AGAP1: variants seen among roughly 807,000 people sequenced by gnomAD.
AGAP1 encodes the protein arf-GAP with GTPase, ANK repeat and PH domain-containing protein 1.
Under a neutral mutation model 105.3 loss-of-function variants are expected in AGAP1, and 29 were observed. The ratio of observed to expected loss-of-function variants is 0.28; its 90% CI spans 0.21 to 0.38. AGAP1 has a LOEUF of 0.38. AGAP1 is among the 10% of genes least tolerant of loss of function. The pLI is 1.00. For missense variants in AGAP1, 998 were observed against 1,165.1 expected, an observed-to-expected ratio of 0.86 and a Z score of 2.09; for synonymous variants, 509 against 485.9, an observed-to-expected ratio of 1.05 and a Z score of -0.63.
chr2:235,536,668 CACACACA>C (rs1559231756), intron 1 of AGAP1, among the ~76,000 whole-genome samples: 24 of 149,692 alleles, frequency 1.6e-4, no homozygotes, highest in Middle Eastern at 3.7e-3. Context: ...CACACACACA[CACACACA>C]CACCCCTTGC....
In AGAP1 at chr2:235,787,266, G is replaced by A. The variant is rs1218460316; in HGVS notation, c.674-10493G>A. ...TCATGAAAGCTTTTCTTCATCACGTGCTAATGACTTCCTGTTCCACAGGCG... is the reference window on the plus strand; with the variant it reads ...TCATGAAAGCTTTTCTTCATCACGTACTAATGACTTCCTGTTCCACAGGCG... On this transcript the variant is annotated intron_variant, in intron 6 of 17. Coordinates refer to ENST00000304032, the MANE Select transcript of AGAP1 (RefSeq NM_001037131.3). This position sits in a 1 kb window ranked among gnomAD's most constrained non-coding sequence, Gnocchi z 4.4. 6.6e-6 allele frequency among the ~76,000 whole-genome samples: 1 copy of A among 152,176 alleles called. No homozygotes were observed. Among genetic ancestry groups the A allele is most frequent in the Admixed American group, 6.5e-5 (1 of 15,278 alleles).
At chr2:235,814,999 G>T (rs1269344407) in intron 9 of AGAP1, among the ~76,000 whole-genome samples, 1 of 152,154 alleles carries the variant, frequency 6.6e-6, no homozygotes, top group Non-Finnish European at 1.5e-5. Context: ...GATGATGGGG[G>T]TTCTGATGTA....
intron 6 of AGAP1, among the ~76,000 whole-genome samples, chr2:235,791,438 G>A (rs1187779343): frequency 6.6e-6 from 1 of 152,044 alleles, no homozygotes; most frequent in African/African-American, 2.4e-5. Context: ...TTTTTGTAGG[G>A]GCGGGGGATG....
At position 236,095,090 on chromosome 2, in the gene AGAP1, C is replaced by T. The variant is rs909676800; in HGVS notation, c.2115-25102C>T. ...CTTTAGCCTTGGTGAGAGTGAGACA[C>T]TGTCTCAAAAAAGTTGTGGGGGCAG... is the stretch of plus-strand genomic sequence containing the variant. On this transcript the variant is annotated intron_variant, in intron 16 of 17. Coordinates refer to ENST00000304032, the MANE Select transcript of AGAP1 (RefSeq NM_001037131.3). The surrounding 1 kb of genome is among the most constrained non-coding windows in gnomAD (Gnocchi z 4.1). Among the ~76,000 whole-genome samples, 1 of 151,418 alleles carries T rather than the reference C, an allele frequency of 6.6e-6. No homozygotes were observed. Among genetic ancestry groups the T allele is most frequent in the African/African-American group, 2.4e-5 (1 of 41,150 alleles).
At chr2:235,821,415 G>C (rs565141538) in intron 9 of AGAP1, among the ~76,000 whole-genome samples, 1 of 142,584 alleles carries the variant, frequency 7.0e-6, no homozygotes, top group Admixed American at 7.5e-5. Context: ...ACGGGGTCTC[G>C]CTCTGTCACC....
At chr2:235,926,031 A>G (rs1049529961) in intron 11 of AGAP1, among the ~76,000 whole-genome samples, 1 of 152,240 alleles carries the variant, frequency 6.6e-6, no homozygotes, top group Admixed American at 6.5e-5. Context: ...ATGCTTAAAG[A>G]TATTTCCAAA....
In AGAP1 at chr2:235,865,920, C is replaced by G. The variant is rs1326341018; in HGVS notation, c.1051-17425C>G. ...GCCAGTTAATTGGGATGTGTTTTTG[C>G]ACACAACGAATGATTTCTATGTTAT... On this transcript the variant is annotated intron_variant, in intron 9 of 17. Coordinates refer to ENST00000304032, the MANE Select transcript of AGAP1 (RefSeq NM_001037131.3). This position sits in a 1 kb window ranked among gnomAD's most constrained non-coding sequence, Gnocchi z 6.2. 1.3e-5 allele frequency among the ~76,000 whole-genome samples: 2 copies of G among 152,150 alleles called. No individual in the cohort carries two copies. Among genetic ancestry groups the G allele is most frequent in the East Asian group, 3.9e-4 (2 of 5,190 alleles).
intron 1 of AGAP1, among the ~76,000 whole-genome samples, chr2:235,675,892 C>G (rs1416254737): frequency 6.6e-6 from 1 of 152,136 alleles, no homozygotes; most frequent in Non-Finnish European, 1.5e-5. Context: ...ATCCTGCCAC[C>G]AGGGGGAATG....
chr2:235,638,699 G>A (rs762398003), intron 1 of AGAP1, among the ~76,000 whole-genome samples: 5 of 152,134 alleles, frequency 3.3e-5, no homozygotes, highest in East Asian at 1.9e-4. Flanking sequence ...GAATAATAGC[G>A]TGGTGTCCTG....
rs1337489816 is a variant in AGAP1 at position 235,977,943 on chromosome 2, G to T, written c.1645+9320G>T. On this transcript the variant is annotated intron_variant, in intron 13 of 17. Transcript: ENST00000304032. This position sits in a 1 kb window ranked among gnomAD's most constrained non-coding sequence, Gnocchi z 5.2. ...GAAGGCTGCAAAGTCCAAGATCACG[G>T]CACCAGCTGATTCTCTTCCTAGGGA... Among the ~76,000 whole-genome samples, 3 of 152,130 alleles carry T rather than the reference G, an allele frequency of 2.0e-5. No individual in the cohort carries two copies. The highest frequency in any genetic ancestry group is 4.4e-5 in the Non-Finnish European group (3 of 68,034).
Position 235,994,186 on chromosome 2 carries a change from T to G in AGAP1, c.1645+25563T>G, listed in dbSNP as rs1016641188. 3.3e-5 allele frequency among the ~76,000 whole-genome samples: 5 copies of G among 152,056 alleles called. No individual in the cohort carries two copies. Among genetic ancestry groups the G allele is most frequent in the Non-Finnish European group, 5.9e-5 (4 of 68,020 alleles). The stretch of plus-strand genomic sequence containing the variant: ...GTTCCATATGTGTCCTTTTTAAGAG[T>G]CTTGTCGTTTCATACTCTCATTTTG... On this transcript the variant is annotated intron_variant, in intron 13 of 17. Coordinates refer to ENST00000304032, the MANE Select transcript of AGAP1 (RefSeq NM_001037131.3). This position sits in a 1 kb window ranked among gnomAD's most constrained non-coding sequence, Gnocchi z 4.4.
chr2:236,084,324 A>T (rs1029603776), intron 16 of AGAP1, among the ~76,000 whole-genome samples: 32 of 152,162 alleles, frequency 2.1e-4, no homozygotes, highest in African/African-American at 7.7e-4. Context: ...AATGCACAGT[A>T]CATTCATTCA....
chr2:235,674,424 G>A (rs1371469912), intron 1 of AGAP1, among the ~76,000 whole-genome samples: 3 of 152,232 alleles, frequency 2.0e-5, no homozygotes, highest in African/African-American at 7.2e-5. Flanking sequence ...AGTGGATGCC[G>A]TCTGGGCCGG....
intron 1 of AGAP1, among the ~76,000 whole-genome samples, chr2:235,684,541 T>A (rs77385268): frequency 0.017 from 2,636 of 152,336 alleles, 68 homozygotes; most frequent in African/African-American, 0.059. Context: ...GCTTCTGGAC[T>A]GTAACTTTTG....
chr2:235,952,274 T>A (rs60637025), intron 12 of AGAP1, among the ~76,000 whole-genome samples: 5 of 151,428 alleles, frequency 3.3e-5, no homozygotes, highest in African/African-American at 9.7e-5. Context: ...TCATTTGCAG[T>A]GGCCCAGCAA....
intron 1 of AGAP1, among the ~76,000 whole-genome samples, chr2:235,651,103 C>T (rs2149322723): frequency 7.1e-6 from 1 of 141,632 alleles, no homozygotes; most frequent in African/African-American, 2.6e-5. Flanking sequence ...ATCAGTTGAA[C>T]CCGAGAGGCA....
chr2:235,707,122 C>T (rs1950574050), intron 1 of AGAP1, among the ~76,000 whole-genome samples: 1 of 152,156 alleles, frequency 6.6e-6, no homozygotes, highest in African/African-American at 2.4e-5. Flanking sequence ...CCAATGTGTC[C>T]GTGTCAGTGG....
In AGAP1 at chr2:235,609,452, G is replaced by C. The variant is rs13410736; in HGVS notation, c.164-99727G>C. ...GGCACGATCATTCGAGATTCCAAGA[G>C]GTAAGAACTGGGGGCTGGGCTGTGG... On this transcript the variant is annotated intron_variant, in intron 1 of 17. Coordinates refer to ENST00000304032, the MANE Select transcript of AGAP1 (RefSeq NM_001037131.3). This position sits in a 1 kb window ranked among gnomAD's most constrained non-coding sequence, Gnocchi z 5.1. 0.61 allele frequency among the ~76,000 whole-genome samples: 92,338 copies of C among 151,946 alleles called. 29,307 individuals carry two copies. Among genetic ancestry groups the C allele is most frequent in the African/African-American group, 0.79 (32,727 of 41,462 alleles).
At position 235,842,393 on chromosome 2, in the gene AGAP1, G is replaced by T. The variant is rs951471684; in HGVS notation, c.1050+35062G>T. ...TCAAAATCACAGACATGTTCACAGC[G>T]CATTGCCGTTGTCCCAGATAATTGA... On this transcript the variant is annotated intron_variant, in intron 9 of 17. Coordinates refer to ENST00000304032, the MANE Select transcript of AGAP1 (RefSeq NM_001037131.3). This position sits in a 1 kb window ranked among gnomAD's most constrained non-coding sequence, Gnocchi z 5.3. 6.6e-6 allele frequency among the ~76,000 whole-genome samples: 1 copy of T among 152,184 alleles called. No homozygotes were observed. Among genetic ancestry groups the T allele is most frequent in the Non-Finnish European group, 1.5e-5 (1 of 68,040 alleles).
Sources: gnomAD v4.1 joint callset for allele counts (sites outside exome capture counted in the v4.1 genomes callset) on GRCh38, gnomAD v4.1.1 for gene constraint, Gnocchi (gnomAD v3.1) non-coding constraint, MANE v1.5 for transcripts, NCBI Gene and HGNC (gene_info 2026-07-23, HGNC 2026-07-21) for gene names.